Variants in KCNN2 observed in about 807,000 individuals in gnomAD.
KCNN2 encodes the protein potassium calcium-activated channel subfamily N member 2.
A neutral mutation model predicts 55.5 loss-of-function variants in KCNN2; 24 were observed. The observed-to-expected ratio is 0.43, with a 90% CI of 0.31 to 0.61. The LOEUF (loss-of-function observed/expected upper bound fraction) is 0.61, where lower values mean the gene tolerates loss of function less well. Ranked by LOEUF, KCNN2 falls within the 20% of genes least tolerant of loss-of-function variation. The probability of loss-of-function intolerance (pLI) is 0.08; values close to 1 mark genes in which losing one functional copy is unlikely to be tolerated. For missense variants in KCNN2, 754 were observed against 853.6 expected, an observed-to-expected ratio of 0.88 and a Z score of 1.45; for synonymous variants, 431 against 336.1, an observed-to-expected ratio of 1.28 and a Z score of -3.09.
At chr5:114,358,977 C>T (rs1179125463), upstream of KCNN2, among the ~76,000 whole-genome samples, 2 of 152,098 alleles carry the variant, frequency 1.3e-5, no homozygotes, top group Non-Finnish European at 2.9e-5. Context: ...AGTTATGATT[C>T]AGACTAAAAA....
At chr5:114,424,512 C>A (rs778093430) in intron 3 of KCNN2, among the ~76,000 whole-genome samples, 1 of 152,236 alleles carries the variant, frequency 6.6e-6, no homozygotes, top group East Asian at 1.9e-4. Flanking sequence ...TTCAGAAACT[C>A]AGCTAGAGAC....
chr5:114,342,025 C>T (rs527577126), intron 2 of KCNN2, among the ~76,000 whole-genome samples: 87 of 152,070 alleles, frequency 5.7e-4, no homozygotes, highest in African/African-American at 1.8e-3. Flanking sequence ...CCTCAGCCTC[C>T]CAAGTAGCTG....
intron 2 of KCNN2, among the ~76,000 whole-genome samples, chr5:114,252,853 C>T (rs1189772224): frequency 2.6e-5 from 4 of 152,030 alleles, no homozygotes; most frequent in East Asian, 1.9e-4. Context: ...CAAGGAGAGA[C>T]GAGGACTGAA....
At chr5:114,147,133 A>G (rs948396874) in intron 1 of KCNN2, among the ~76,000 whole-genome samples, 1 of 152,186 alleles carries the variant, frequency 6.6e-6, no homozygotes, top group Non-Finnish European at 1.5e-5. Context: ...GGTCTTACGT[A>G]CACTGCCTTT....
At chr5:114,222,315 C>G (rs1367057902) in intron 2 of KCNN2, among the ~76,000 whole-genome samples, 1 of 152,146 alleles carries the variant, frequency 6.6e-6, no homozygotes, top group Non-Finnish European at 1.5e-5. Flanking sequence ...GTTAGGCACA[C>G]CATACCAAAG....
At chr5:114,261,361 G>A (rs569725008) in intron 2 of KCNN2, among the ~76,000 whole-genome samples, 8 of 152,254 alleles carry the variant, frequency 5.3e-5, no homozygotes, top group Admixed American at 4.6e-4. Flanking sequence ...CACCCCAGGT[G>A]AAGACCTCAG....
intron 2 of KCNN2, among the ~76,000 whole-genome samples, chr5:114,330,390 C>T (rs1414023640): frequency 6.6e-6 from 1 of 152,202 alleles, no homozygotes; most frequent in Non-Finnish European, 1.5e-5. Flanking sequence ...GAATCCCTAG[C>T]AATACGCAGA....
chr5:114,336,018 A>G (rs181992384), intron 2 of KCNN2, among the ~76,000 whole-genome samples: 1 of 152,328 alleles, frequency 6.6e-6, no homozygotes, highest in Non-Finnish European at 1.5e-5. Flanking sequence ...AAACTAAATG[A>G]TGAAAGTGAT....
chr5:114,472,658 G>A (rs917008595), intron 4 of KCNN2, among the ~76,000 whole-genome samples: 4 of 152,068 alleles, frequency 2.6e-5, no homozygotes, highest in Admixed American at 2.0e-4. Flanking sequence ...GGTTTATTCT[G>A]TATGGAAAAA....
intron 1 of KCNN2, among the ~76,000 whole-genome samples, chr5:114,133,095 C>A (rs919445053): frequency 6.6e-6 from 1 of 151,972 alleles, no homozygotes; most frequent in Non-Finnish European, 1.5e-5. Flanking sequence ...TTTTACTGAG[C>A]CTAAATTTAG....
intron 1 of KCNN2, among the ~76,000 whole-genome samples, chr5:114,137,273 T>C (rs900457625): frequency 1.3e-5 from 2 of 152,102 alleles, no homozygotes; most frequent in Non-Finnish European, 1.5e-5. Flanking sequence ...TAAAAAATAA[T>C]AGTCAACCCA....
At chr5:114,432,896 C>T (rs1759848781) in intron 3 of KCNN2, among the ~76,000 whole-genome samples, 1 of 152,236 alleles carries the variant, frequency 6.6e-6, no homozygotes, top group African/African-American at 2.4e-5. Context: ...TGATTTCTCA[C>T]TGGGCCTTAG....
intron 2 of KCNN2, among the ~76,000 whole-genome samples, chr5:114,303,233 A>C (rs1182722764): frequency 6.6e-6 from 1 of 152,232 alleles, no homozygotes; most frequent in Non-Finnish European, 1.5e-5. Context: ...TTCGCGTTTT[A>C]TATGTATTAT....
chr5:114,433,678 C>T (rs1759886530), intron 3 of KCNN2: 1 of 152,532 alleles, frequency 6.6e-6, no homozygotes, highest in South Asian at 2.1e-4. Flanking sequence ...GCCCACGAGC[C>T]CACAGGGAGG....
At chr5:114,390,075 C>T (rs1758411526) in intron 2 of KCNN2, among the ~76,000 whole-genome samples, 1 of 152,114 alleles carries the variant, frequency 6.6e-6, no homozygotes, top group East Asian at 1.9e-4. Flanking sequence ...TAGCTTTTAG[C>T]CAGCTTTTTA....
chr5:114,311,409 G>T (rs1379013605), intron 2 of KCNN2, among the ~76,000 whole-genome samples: 1 of 152,170 alleles, frequency 6.6e-6, no homozygotes, highest in Non-Finnish European at 1.5e-5. Flanking sequence ...AACCATGGAT[G>T]TGGAACCTAT....
At chr5:114,486,731 A>G in intron 5 of KCNN2, 1 of 1,295,370 alleles carries the variant, frequency 7.7e-7, no homozygotes, top group Non-Finnish European at 1.0e-6. Context: ...CAATTGCAAT[A>G]CACGGTGGAG....
At chr5:114,116,949 A>G (rs773997954) in intron 1 of KCNN2, among the ~76,000 whole-genome samples, 7 of 152,130 alleles carry the variant, frequency 4.6e-5, no homozygotes, top group Non-Finnish European at 7.3e-5. Flanking sequence ...TCATGCAAGG[A>G]GACAGTCAGA....
intron 1 of KCNN2, among the ~76,000 whole-genome samples, chr5:114,074,209 A>G (rs928187149): frequency 6.6e-6 from 1 of 152,094 alleles, no homozygotes; most frequent in African/African-American, 2.4e-5. Flanking sequence ...TCTTGAGAGT[A>G]GGTATGCTCT....
Sources: gnomAD v4.1 joint callset for allele counts (sites outside exome capture counted in the v4.1 genomes callset) on GRCh38, gnomAD v4.1.1 for gene constraint, MANE v1.5 for transcripts, NCBI Gene and HGNC (gene_info 2026-07-23, HGNC 2026-07-21) for gene names.